MAPK9: variants seen among roughly 807,000 people sequenced by gnomAD.
The protein encoded by MAPK9 is mitogen-activated protein kinase 9.
In MAPK9, 30 loss-of-function variants were observed where a neutral mutation model predicts 57.1. The observed-to-expected ratio is 0.53, with a 90% CI of 0.39 to 0.71. The LOEUF (loss-of-function observed/expected upper bound fraction) is 0.71. MAPK9 is among the 30% of genes least tolerant of loss of function. The pLI is 0.00. For missense variants in MAPK9, 362 were observed against 521.0 expected, an observed-to-expected ratio of 0.69 and a Z score of 2.97; for synonymous variants, 155 against 177.0, an observed-to-expected ratio of 0.88 and a Z score of 0.99.
At chr5:180,290,304 CCT>C (rs1763117673) in intron 1 of MAPK9, among the ~76,000 whole-genome samples, 1 of 152,216 alleles carries the variant, frequency 6.6e-6, no homozygotes, top group South Asian at 2.1e-4. Flanking sequence ...CTCCTTCACA[CCT>C]CTGTGCCTCT....
At position 180,261,745 on chromosome 5, in the gene MAPK9, T is replaced by C; in HGVS notation, c.389A>G (p.Tyr130Cys). The C allele has an allele frequency of 6.2e-7, 1 of 1,613,458 alleles. No homozygotes were observed. Among genetic ancestry groups the C allele is most frequent in the Non-Finnish European group, 8.5e-7 (1 of 1,179,562 alleles). The stretch of plus-strand genomic sequence containing the variant: ...ACCACAAAGCATCTGGTAAAGAAGG[T>C]AGGACATTCTTTCATGATCCAGCTC... Reference protein sequence around the residue: ...HMELDHERMSYLLYQMLCGIK... With the variant: ...HMELDHERMSCLLYQMLCGIK... Residue 130 changes from tyrosine (Y) to cysteine (C), a missense_variant, in exon 5 of 12, where the codon TAC becomes TGC. Physicochemically the swap from Tyr to Cys is radical, Grantham distance 194. Transcript: ENST00000452135.
chr5:180,255,728 G>A (rs776791105), intron 5 of MAPK9, among the ~76,000 whole-genome samples: 6 of 152,202 alleles, frequency 3.9e-5, no homozygotes, highest in Admixed American at 2.0e-4. Context: ...GAGGAAGGCC[G>A]AGGGTGAGGG....
chr5:180,254,430 A>G (rs1287368887), intron 5 of MAPK9, among the ~76,000 whole-genome samples: 1 of 152,224 alleles, frequency 6.6e-6, no homozygotes, highest in Non-Finnish European at 1.5e-5. Flanking sequence ...ATGATAGTAT[A>G]TACATGCAAC....
intron 2 of MAPK9, among the ~76,000 whole-genome samples, chr5:180,278,425 G>A (rs993864190): frequency 3.9e-5 from 6 of 152,240 alleles, no homozygotes; most frequent in Non-Finnish European, 8.8e-5. Flanking sequence ...CTGTAGGCCG[G>A]GCGCAGTGGC....
intron 2 of MAPK9, among the ~76,000 whole-genome samples, chr5:180,274,109 ATT>A (rs1217392546): frequency 6.6e-6 from 1 of 151,816 alleles, no homozygotes. Flanking sequence ...AGTTTTCTCT[ATT>A]TTTTCTAATT....
At chr5:180,270,197 G>T (rs1288318702) in intron 2 of MAPK9, among the ~76,000 whole-genome samples, 1 of 151,978 alleles carries the variant, frequency 6.6e-6, no homozygotes. Flanking sequence ...AGCTACTAAA[G>T]GCCACCTGAG....
In MAPK9 at chr5:180,247,426, C is replaced by T. The variant is rs371829144; in HGVS notation, c.688+13G>A. 19 of 1,614,004 alleles carry T rather than the reference C, an allele frequency of 1.2e-5. No individual in the cohort carries two copies. Among genetic ancestry groups the T allele is most frequent in the East Asian group, 2.2e-5 (1 of 44,894 alleles). On this transcript the variant is annotated intron_variant, in intron 7 of 11. Coordinates refer to ENST00000452135, the MANE Select transcript of MAPK9 (RefSeq NM_002752.5). This position sits in a 1 kb window ranked among gnomAD's most constrained non-coding sequence, Gnocchi z 4.5. Reference sequence around the variant, plus strand: ...AGAAAGCATGGCGGGGCCAAGGTCGCGGGGAAGGATACGGTCAGTGCCTTG... The same window carrying T: ...AGAAAGCATGGCGGGGCCAAGGTCGTGGGGAAGGATACGGTCAGTGCCTTG...
At chr5:180,237,471 A>T (rs1757263630) in intron 11 of MAPK9, 1 of 152,224 alleles carries the variant, frequency 6.6e-6, no homozygotes, top group African/African-American at 2.4e-5. Context: ...TGGTCATTAG[A>T]GGCTTCCACC....
chr5:180,272,467 C>G (rs1761427331), intron 2 of MAPK9, among the ~76,000 whole-genome samples: 1 of 152,192 alleles, frequency 6.6e-6, no homozygotes, highest in Admixed American at 6.5e-5. Context: ...CATGTTCTCT[C>G]TGTATCCCAA....
At chr5:180,277,820 C>T (rs1287505176) in intron 2 of MAPK9, among the ~76,000 whole-genome samples, 1 of 151,920 alleles carries the variant, frequency 6.6e-6, no homozygotes, top group African/African-American at 2.4e-5. Context: ...GGGAATGTGC[C>T]GTAACTAGAT....
intron 8 of MAPK9, among the ~76,000 whole-genome samples, chr5:180,241,444 T>C (rs1757650792): frequency 6.6e-6 from 1 of 151,952 alleles, no homozygotes. Flanking sequence ...ACTACAGGCG[T>C]CTGCCACCAT....
intron 2 of MAPK9, 61 bp downstream of exon 2, chr5:180,280,379 T>C (rs1439266004): frequency 1.9e-6 from 3 of 1,573,348 alleles, no homozygotes; most frequent in African/African-American, 2.7e-5. Flanking sequence ...CCTGACACTT[T>C]AGTTTTACTT....
intron 2 of MAPK9, among the ~76,000 whole-genome samples, chr5:180,276,609 A>G (rs957705423): frequency 9.2e-5 from 14 of 152,238 alleles, no homozygotes; most frequent in Non-Finnish European, 4.4e-5. Flanking sequence ...CAATCCCAGC[A>G]CTTTGGGAGG....
At chr5:180,255,243 T>C (rs1395274803) in intron 5 of MAPK9, among the ~76,000 whole-genome samples, 1 of 151,816 alleles carries the variant, frequency 6.6e-6, no homozygotes, top group Admixed American at 6.6e-5. Context: ...CCTGTGGCAA[T>C]TTAGGAAGCT....
intron 1 of MAPK9, chr5:180,287,143 T>A (rs1407645679): frequency 6.6e-6 from 1 of 152,230 alleles, no homozygotes; most frequent in Non-Finnish European, 1.5e-5. Flanking sequence ...GAAAAGGGGC[T>A]GCTGTGGCTG....
In MAPK9 at chr5:180,260,949, A is replaced by G. The variant is rs952986186; in HGVS notation, c.450+735T>C. 8.5e-5 allele frequency among the ~76,000 whole-genome samples: 13 copies of G among 152,314 alleles called. No homozygotes were observed. The South Asian group carries it at 2.5e-3, about 29-fold the overall frequency. Reference sequence around the variant, plus strand: ...AGTATTGGTATCAAATTGTGAAAAAAAAAAATCTATCATGATAGTCTGCTT... The same window carrying G: ...AGTATTGGTATCAAATTGTGAAAAAGAAAAATCTATCATGATAGTCTGCTT... On this transcript the variant is annotated intron_variant, in intron 5 of 11. Transcript: ENST00000452135.
At chr5:180,281,233 C>T (rs1274085403) in intron 1 of MAPK9, among the ~76,000 whole-genome samples, 1 of 152,224 alleles carries the variant, frequency 6.6e-6, no homozygotes, top group African/African-American at 2.4e-5. Context: ...CAGAGTCCCA[C>T]ATCACCACCG....
intron 4 of MAPK9, among the ~76,000 whole-genome samples, chr5:180,263,487 A>G (rs1474284334): frequency 6.6e-6 from 1 of 151,732 alleles, no homozygotes; most frequent in Admixed American, 6.6e-5. Flanking sequence ...CTCTGCTAAG[A>G]CTCTTACTCT....
At position 180,289,715 on chromosome 5, in the gene MAPK9, C is replaced by G. The variant is rs559892590; in HGVS notation, c.-48+2133G>C. On this transcript the variant is annotated intron_variant, in intron 1 of 11. Coordinates refer to ENST00000452135, the MANE Select transcript of MAPK9 (RefSeq NM_002752.5). ...GCTACCTTTCCTGCTCTCCTCACAG[C>G]TCCTCCCTCCCACACAGCCAGTCCT... Among the ~76,000 whole-genome samples the G allele has an allele frequency of 7.2e-5, 11 of 152,284 alleles. No homozygotes were observed. In the South Asian group the frequency reaches 2.3e-3, roughly 32 times the overall value.
Sources: allele counts gnomAD v4.1 joint callset (sites outside exome capture counted in the v4.1 genomes callset), GRCh38; gene constraint gnomAD v4.1.1; non-coding constraint Gnocchi (gnomAD v3.1); transcripts MANE v1.5; gene names NCBI Gene and HGNC (gene_info 2026-07-23, HGNC 2026-07-21).